The following SLC4A8 variants were observed in gnomAD, a reference collection of about 807,000 sequenced individuals.
The protein encoded by SLC4A8 is solute carrier family 4 member 8.
SLC4A8 carries 40 observed loss-of-function variants against 125.0 expected under a neutral mutation model. The observed-to-expected ratio is 0.32, with a 90% CI of 0.25 to 0.42. The LOEUF is 0.42. SLC4A8 is among the 10% of genes least tolerant of loss of function. The pLI is 1.00. For synonymous variants in SLC4A8, 456 were observed against 476.0 expected (o/e 0.96, Z 0.55); for missense variants, 863 against 1,355.1 (o/e 0.64, Z 5.70).
chr12:51,462,931 G>A (rs1454389823), intron 10 of SLC4A8: 1 of 151,978 alleles, frequency 6.6e-6, no homozygotes, highest in Non-Finnish European at 1.5e-5. Flanking sequence ...GCATAAATTG[G>A]CTCAGGTGTG....
chr12:51,487,165 T>C (rs1206239855), intron 17 of SLC4A8, among the ~76,000 whole-genome samples: 1 of 152,136 alleles, frequency 6.6e-6, no homozygotes, highest in Non-Finnish European at 1.5e-5. Context: ...CGGGAGAATG[T>C]CAAAGAAAAT....
chr12:51,501,056 C>G (rs1044996618), intron 22 of SLC4A8, among the ~76,000 whole-genome samples: 1 of 152,176 alleles, frequency 6.6e-6, no homozygotes, highest in East Asian at 1.9e-4. Context: ...GTCTCGATCT[C>G]CTGACCTCGT....
chr12:51,459,741 G>T (rs373566149), intron 7 of SLC4A8, among the ~76,000 whole-genome samples: 2 of 152,064 alleles, frequency 1.3e-5, no homozygotes, highest in Non-Finnish European at 2.9e-5. Context: ...ACATGGTGGT[G>T]CATGCCTGTA....
rs1026392555 is a variant in SLC4A8 at position 51,424,898 on chromosome 12, G to T, written c.-90G>T. The T allele has an allele frequency of 2.2e-6, 3 of 1,393,640 alleles. No homozygotes were observed. The highest frequency in any genetic ancestry group is 3.0e-6 in the Non-Finnish European group (3 of 1,015,302). The allele number at this position is 1,393,640 out of a possible 1,614,324, so 86.3% of individuals were successfully genotyped here. On this transcript the variant is annotated 5_prime_UTR_variant, in exon 1 of 25. Transcript: ENST00000453097. ...CGTTGGCTCCGGGGTGGGGGTCGCC[G>T]TTCGAGTGATCTGCTCAGACCCGAC...
chr12:51,408,591 G>A (rs1948538978), intron 1 of SLC4A8, among the ~76,000 whole-genome samples: 1 of 152,180 alleles, frequency 6.6e-6, no homozygotes, highest in Non-Finnish European at 1.5e-5. Flanking sequence ...GCAAAGACCA[G>A]TGCTCCCAGT....
At chr12:51,488,678 A>C in intron 17 of SLC4A8, 21 bp from the exon 18 acceptor site, 1 of 1,602,436 alleles carries the variant, frequency 6.2e-7, no homozygotes, top group Non-Finnish European at 8.5e-7. Flanking sequence ...AAATACAAAA[A>C]TAATATATTT....
In SLC4A8 at chr12:51,426,128, C is replaced by G. The variant is rs190884424; in HGVS notation, c.48+1093C>G. ...CATGTTGACCTCAGGGATGGTTTCC[C>G]CGAGGAGGCAGGGAAAATATCCTGA... On this transcript the variant is annotated intron_variant, in intron 1 of 24. Coordinates refer to ENST00000453097, the MANE Select transcript of SLC4A8 (RefSeq NM_001039960.3). Among the ~76,000 whole-genome samples the G allele has an allele frequency of 3.7e-4, 57 of 152,192 alleles. No homozygotes were observed. The East Asian group carries it at 0.011, about 28-fold the overall frequency.
intron 1 of SLC4A8, among the ~76,000 whole-genome samples, chr12:51,397,021 C>G (rs2137915194): frequency 6.9e-6 from 1 of 145,914 alleles, no homozygotes; most frequent in African/African-American, 2.5e-5. Context: ...CCTCCACCTT[C>G]CAGGTTCAAG....
At chr12:51,469,860 GT>G in intron 12 of SLC4A8, 72 bp downstream of exon 12, 1 of 1,381,080 alleles carries the variant, frequency 7.2e-7, no homozygotes, top group South Asian at 1.2e-5. Context: ...CAGGTCCACT[GT>G]GGGGGAAATT....
chr12:51,468,168 A>T (rs563906905), intron 11 of SLC4A8, among the ~76,000 whole-genome samples: 1 of 152,156 alleles, frequency 6.6e-6, no homozygotes, highest in East Asian at 1.9e-4. Context: ...TGGTGCAGTG[A>T]CTCCACTCTT....
intron 16 of SLC4A8, among the ~76,000 whole-genome samples, chr12:51,478,841 T>G (rs564136607): frequency 1.7e-4 from 26 of 152,214 alleles, no homozygotes; most frequent in Non-Finnish European, 3.2e-4. Context: ...TCATAGGAGC[T>G]TAATACCATG....
chr12:51,478,399 A>G (rs1052402774), intron 16 of SLC4A8, among the ~76,000 whole-genome samples: 21 of 152,242 alleles, frequency 1.4e-4, no homozygotes, highest in Middle Eastern at 6.8e-3. Context: ...AGATCACTCT[A>G]CTGCACTCCA....
Position 51,488,750 on chromosome 12 carries a change from T to C in SLC4A8, c.2338T>C (p.Trp780Arg). 1 of 1,613,934 alleles carries C rather than the reference T, an allele frequency of 6.2e-7. No homozygotes were observed. Among genetic ancestry groups the C allele is most frequent in the Non-Finnish European group, 8.5e-7 (1 of 1,179,774 alleles). Residue 780 changes from tryptophan to arginine, a missense_variant, in exon 18 of 25, where the codon TGG (tryptophan) becomes CGG (arginine). Physicochemically the swap from Trp to Arg is moderately radical, Grantham distance 101. Transcript: ENST00000453097. ...WIINPIGPNP[W>R]WTVIAAIIPA... ...TATTAATCCCATTGGCCCCAATCCCTGGTGGACTGTGATAGCTGCAATTAT... is the reference window on the plus strand; with the variant it reads ...TATTAATCCCATTGGCCCCAATCCCCGGTGGACTGTGATAGCTGCAATTAT...
At position 51,400,065 on chromosome 12, in the gene SLC4A8, G is replaced by T. The variant is rs145139087; in HGVS notation, c.-112+8577G>T. On this transcript the variant is annotated intron_variant, in intron 1 of 24. Transcript: ENST00000358657. Reference sequence around the variant, plus strand: ...GTGGTCCCTCCTCCTGGGTGTGGTGGGTGGAGTGGGCAGAGGCCATGCAGA... The same window carrying T: ...GTGGTCCCTCCTCCTGGGTGTGGTGTGTGGAGTGGGCAGAGGCCATGCAGA... Among the ~76,000 whole-genome samples the T allele has an allele frequency of 1.1e-4, 17 of 152,190 alleles. 1 individual carries two copies. Among genetic ancestry groups the T allele is most frequent in the Admixed American group, 2.6e-4 (4 of 15,294 alleles).
intron 22 of SLC4A8, among the ~76,000 whole-genome samples, chr12:51,498,062 A>G (rs962315978): frequency 6.6e-6 from 1 of 151,634 alleles, no homozygotes; most frequent in Non-Finnish European, 1.5e-5. Context: ...AAAAAAAAAA[A>G]GATGACTTTT....
At chr12:51,458,034 GACCTACTCC>G (rs1186109384) in intron 6 of SLC4A8, among the ~76,000 whole-genome samples, 1 of 152,018 alleles carries the variant, frequency 6.6e-6, no homozygotes, top group Non-Finnish European at 1.5e-5. Flanking sequence ...GTAATAATAG[GACCTACTCC>G]ACCTACTCCA....
intron 2 of SLC4A8, among the ~76,000 whole-genome samples, chr12:51,449,619 ATGGTGCAT>A (rs1480121122): frequency 1.3e-5 from 2 of 152,158 alleles, no homozygotes; most frequent in Non-Finnish European, 2.9e-5. Context: ...AGACCAAGGC[ATGGTGCAT>A]TGGGCATGGG....
intron 8 of SLC4A8, 50 bp from the exon 9 acceptor site, chr12:51,461,154 C>A: frequency 1.1e-6 from 1 of 900,708 alleles, no homozygotes; most frequent in Non-Finnish European, 1.9e-6. Context: ...GGACTAATGG[C>A]ACTTCTTTAT....
chr12:51,401,340 A>G (rs971170811), intron 1 of SLC4A8, among the ~76,000 whole-genome samples: 30 of 152,074 alleles, frequency 2.0e-4, no homozygotes, highest in African/African-American at 7.0e-4. Flanking sequence ...TTGGAGAATG[A>G]GTGCAAGGTT....
Sources: gnomAD v4.1 joint callset for allele counts (sites outside exome capture counted in the v4.1 genomes callset) on GRCh38, gnomAD v4.1.1 for gene constraint, MANE v1.5 for transcripts, NCBI Gene and HGNC (gene_info 2026-07-23, HGNC 2026-07-21) for gene names.